Variants in LRRC49 observed in about 807,000 individuals in gnomAD.
The protein encoded by LRRC49 is leucine-rich repeat-containing protein 49.
LRRC49 carries 50 observed loss-of-function variants against 83.3 expected under a neutral mutation model. The observed-to-expected ratio is 0.60, with a 90% CI of 0.48 to 0.76. The LOEUF (loss-of-function observed/expected upper bound fraction) is 0.76, where lower values mean the gene tolerates loss of function less well. Among genes scored for constraint, LRRC49 ranks in the 30% least tolerant of loss-of-function variants. LRRC49 has a pLI of 0.00. For missense variants in LRRC49, 704 were observed against 809.1 expected (o/e 0.87, Z 1.58); for synonymous variants, 286 against 283.3 (o/e 1.01, Z -0.10).
At chr15:70,868,212 G>A (rs1215814869) in intron 1 of LRRC49, among the ~76,000 whole-genome samples, 2 of 152,160 alleles carry the variant, frequency 1.3e-5, no homozygotes, top group Admixed American at 6.5e-5. Flanking sequence ...AACATCTGGG[G>A]TAACCTTAGC....
At chr15:70,893,386 A>T (rs2033673169) in intron 1 of LRRC49, 198 bp from the exon 2 acceptor site, 2 of 595,830 alleles carry the variant, frequency 3.4e-6, no homozygotes, top group African/African-American at 1.9e-5. Flanking sequence ...TTGGAAAATA[A>T]ATCAGTGAAA....
chr15:71,031,806 G>A (rs1174271748), intron 14 of LRRC49, among the ~76,000 whole-genome samples: 1 of 152,108 alleles, frequency 6.6e-6, no homozygotes, highest in Non-Finnish European at 1.5e-5. Context: ...GGGGAAAACT[G>A]CCTACTAAAA....
intron 2 of LRRC49, among the ~76,000 whole-genome samples, chr15:70,880,456 A>C (rs916097412): frequency 2.0e-5 from 3 of 152,238 alleles, no homozygotes; most frequent in Admixed American, 2.0e-4. Flanking sequence ...GAATAAATAA[A>C]TTGAATAATG....
chr15:70,918,990 A>G lies in LRRC49; in HGVS notation c.568-60A>G, dbSNP rs1015065214. 5.9e-6 allele frequency: 8 copies of G among 1,346,056 alleles called. No individual in the cohort carries two copies. The South Asian group carries it at 1.1e-4, about 19-fold the overall frequency. The allele number at this position is 1,346,056 out of a possible 1,614,324, so 83.4% of individuals were successfully genotyped here. A position where few individuals can be genotyped will look rare whatever the true frequency, so the allele number is the denominator to read the frequency against. ...CGAATATTTTATTTTTAGGGTTTTT[A>G]GAACATGTATATTTCAGGTTTTTGC... On this transcript the variant is annotated intron_variant, in intron 6 of 15. Transcript: ENST00000260382.
intron 8 of LRRC49, among the ~76,000 whole-genome samples, chr15:70,952,243 TG>T (rs1001183547): frequency 6.6e-6 from 1 of 151,480 alleles, no homozygotes; most frequent in African/African-American, 2.4e-5. Context: ...GTGTCTCTGC[TG>T]GGCTTTGGTA....
chr15:70,915,116 G>T (rs1173669040), intron 6 of LRRC49, among the ~76,000 whole-genome samples: 2 of 152,084 alleles, frequency 1.3e-5, no homozygotes, highest in Non-Finnish European at 1.5e-5. Flanking sequence ...TCTATTATCT[G>T]CTTTATGCTT....
chr15:70,880,479 C>T (rs1439905593), intron 2 of LRRC49, among the ~76,000 whole-genome samples: 1 of 152,068 alleles, frequency 6.6e-6, no homozygotes, highest in African/African-American at 2.4e-5. Context: ...ATGGGAGGTA[C>T]TAAGGTAAAT....
intron 7 of LRRC49, among the ~76,000 whole-genome samples, chr15:70,925,605 C>A (rs2035166783): frequency 1.3e-5 from 2 of 152,050 alleles, no homozygotes; most frequent in African/African-American, 2.4e-5. Flanking sequence ...TTGGTGCTTT[C>A]TTTGTCTTAT....
chr15:71,030,194 A>G (rs889704813), intron 14 of LRRC49, among the ~76,000 whole-genome samples: 1 of 152,010 alleles, frequency 6.6e-6, no homozygotes, highest in Non-Finnish European at 1.5e-5. Flanking sequence ...TTTCTTTAGG[A>G]GCTCTTGTAA....
chr15:70,868,574 C>T (rs760284936), intron 1 of LRRC49, among the ~76,000 whole-genome samples: 99 of 152,218 alleles, frequency 6.5e-4, no homozygotes, highest in Non-Finnish European at 1.3e-3. Context: ...ACTCAGATTT[C>T]TGGCTCCCAT....
chr15:70,935,014 G>A (rs2035547449), intron 7 of LRRC49, among the ~76,000 whole-genome samples: 1 of 152,162 alleles, frequency 6.6e-6, no homozygotes, highest in African/African-American at 2.4e-5. Context: ...CCTACCACTA[G>A]TCTATCACTC....
chr15:70,993,506 C>T (rs143367248), intron 11 of LRRC49, among the ~76,000 whole-genome samples: 2,286 of 152,206 alleles, frequency 0.015, 29 homozygotes, highest in Non-Finnish European at 0.02. Context: ...TGTTCCTATT[C>T]GACCATCTTG....
At position 70,963,876 on chromosome 15, in the gene LRRC49, C is replaced by T. The variant is rs1350084864; in HGVS notation, c.865C>T (p.His289Tyr). The change falls in exon 9 of 16, where the codon CAC becomes TAC. Residue 289 changes from histidine to tyrosine, a missense_variant. Coordinates refer to ENST00000260382, the MANE Select transcript of LRRC49 (RefSeq NM_017691.5). ...CATAGCTCAAGAGTCATGGTACAAA[C>T]ACACTGTCCTTCAGAATATGATGCA... ...NPIAQESWYK[H>Y]TVLQNMMQLR... The T allele has an allele frequency of 6.2e-7, 1 of 1,613,600 alleles. No individual in the cohort carries two copies. The highest frequency in any genetic ancestry group is 1.7e-5 in the Admixed American group (1 of 59,996).
chr15:70,929,754 C>G (rs941236427), intron 7 of LRRC49, among the ~76,000 whole-genome samples: 3 of 152,184 alleles, frequency 2.0e-5, no homozygotes, highest in African/African-American at 7.2e-5. Context: ...GTCATTTCAG[C>G]AATGTTCATA....
intron 7 of LRRC49, among the ~76,000 whole-genome samples, chr15:70,928,436 A>C (rs2035289680): frequency 6.6e-6 from 1 of 152,276 alleles, no homozygotes; most frequent in East Asian, 1.9e-4. Context: ...TGCTGAATAA[A>C]ATAGTTGTAA....
rs1406333593 is a variant in LRRC49 at position 70,978,187 on chromosome 15, A to AC, written c.922-1914_922-1913insC. On this transcript the variant is annotated intron_variant, in intron 9 of 15. Coordinates refer to ENST00000260382, the MANE Select transcript of LRRC49 (RefSeq NM_017691.5). ...AGCATAGGCTAGATTGTGCTGCAGT[A>AC]ACAGCTTCTCTAACTTCAGTGAATT... is the stretch of plus-strand genomic sequence containing the variant. Among the ~76,000 whole-genome samples the AC allele has an allele frequency of 1.8e-3, 269 of 152,318 alleles. 1 individual carries two copies. The highest frequency in any genetic ancestry group is 3.1e-3 in the Non-Finnish European group (213 of 68,032).
intron 2 of LRRC49, among the ~76,000 whole-genome samples, chr15:70,874,383 A>G (rs2033110834): frequency 6.6e-6 from 1 of 152,212 alleles, no homozygotes; most frequent in South Asian, 2.1e-4. Context: ...TTGAACTGGG[A>G]TCAAGAAAAG....
intron 15 of LRRC49, among the ~76,000 whole-genome samples, chr15:71,044,543 C>T (rs1422008322): frequency 6.6e-6 from 1 of 152,130 alleles, no homozygotes; most frequent in African/African-American, 2.4e-5. Context: ...AATCCCAGCT[C>T]TTTGGGAGGC....
At chr15:70,938,536 G>A (rs951103957) in intron 8 of LRRC49, among the ~76,000 whole-genome samples, 1 of 152,130 alleles carries the variant, frequency 6.6e-6, no homozygotes, top group Non-Finnish European at 1.5e-5. Context: ...GGTCCAGGAG[G>A]TGGTATAGTG....
Sources: allele counts gnomAD v4.1 joint callset (sites outside exome capture counted in the v4.1 genomes callset), GRCh38; gene constraint gnomAD v4.1.1; transcripts MANE v1.5; gene names NCBI Gene and HGNC (gene_info 2026-07-23, HGNC 2026-07-21).